The following EIF2B5 variants were observed in gnomAD, a reference collection of about 807,000 sequenced individuals.
EIF2B5 encodes eukaryotic translation initiation factor 2B subunit epsilon.
EIF2B5 carries 38 observed loss-of-function variants against 87.3 expected under a neutral mutation model. The observed-to-expected ratio is 0.44, with a 90% CI of 0.34 to 0.57. The LOEUF (loss-of-function observed/expected upper bound fraction) is 0.57. Ranked by LOEUF, EIF2B5 falls within the 20% of genes least tolerant of loss-of-function variation. The pLI, the probability that EIF2B5 is intolerant of heterozygous loss-of-function variation, is 0.02. For missense variants in EIF2B5, 784 were observed against 909.5 expected (o/e 0.86, Z 1.78); for synonymous variants, 313 against 339.6 (o/e 0.92, Z 0.86).
chr3:184,137,544 G>C (rs1713415562), intron 2 of EIF2B5, 76 bp from the exon 3 acceptor site: 35 of 1,475,696 alleles, frequency 2.4e-5, no homozygotes, highest in Non-Finnish European at 3.2e-5. Flanking sequence ...AGTGCTGAAA[G>C]GGGGTGAAAA....
At chr3:184,140,895 G>C (rs756261968) in intron 7 of EIF2B5, 165 bp downstream of exon 7, 26 of 771,430 alleles carry the variant, frequency 3.4e-5, no homozygotes, top group Non-Finnish European at 4.5e-5. Flanking sequence ...TGAAAACAGC[G>C]ATACCTTAAT....
intron 13 of EIF2B5, chr3:184,143,816 C>T (rs116454202): frequency 1.7e-4 from 113 of 673,402 alleles, no homozygotes; most frequent in Admixed American, 8.3e-4. Context: ...TGGACCTGGA[C>T]ATTCAGACTC....
chr3:184,138,413 G>T lies in EIF2B5; in HGVS notation c.765+167G>T, dbSNP rs370906155. The stretch of plus-strand genomic sequence containing the variant: ...GCTCTGTTGCCCAGGCTGGAGTGCA[G>T]TGGTGTGATCCCAGCTCACTGCAGA... On this transcript the variant is annotated intron_variant, in intron 5 of 15. Transcript: ENST00000648915. 1.2e-4 allele frequency among the ~76,000 whole-genome samples: 18 copies of T among 152,172 alleles called. No individual in the cohort carries two copies. In the East Asian group the frequency reaches 3.5e-3, roughly 29 times the overall value.
chr3:184,136,610 A>G lies in EIF2B5; in HGVS notation c.196-2A>G. On this transcript the variant is annotated splice_acceptor_variant, in intron 1 of 15. Coordinates refer to ENST00000648915, the MANE Select transcript of EIF2B5 (RefSeq NM_003907.3). LOFTEE classifies it high-confidence loss of function. ...AGTTTTTTTTCATCTTGTATCCTTC[A>G]GGTCCTCTTGCCCCTGGCCAATGTG... 1 of 1,614,188 alleles carries G rather than the reference A, an allele frequency of 6.2e-7. No homozygotes were observed. The highest frequency in any genetic ancestry group is 8.5e-7 in the Non-Finnish European group (1 of 1,180,042).
intron 13 of EIF2B5, 36 bp downstream of exon 13, chr3:184,143,601 G>T (rs1713738108): frequency 1.2e-6 from 2 of 1,614,064 alleles, no homozygotes; most frequent in South Asian, 1.1e-5. Flanking sequence ...AAGGGATTGG[G>T]TACAGGCAAA....
intron 14 of EIF2B5, 124 bp from the exon 15 acceptor site, chr3:184,144,473 G>A (rs536430814): frequency 4.8e-5 from 51 of 1,064,318 alleles, no homozygotes; most frequent in Admixed American, 2.9e-4. Context: ...GGAGCAGAGC[G>A]AACAGCTCAC....
At chr3:184,141,490 G>T (rs768413024) in intron 7 of EIF2B5, among the ~76,000 whole-genome samples, 4 of 152,110 alleles carry the variant, frequency 2.6e-5, no homozygotes, top group Non-Finnish European at 5.9e-5. Context: ...GATTACCTGA[G>T]CCCAGAGGTC....
Position 184,135,377 on chromosome 3 carries a change from GAGA to G in EIF2B5, c.-2_1del, listed in dbSNP as rs747525156. The G allele has an allele frequency of 2.5e-6, 4 of 1,574,306 alleles. No individual in the cohort carries two copies. The highest frequency in any genetic ancestry group is 2.7e-5 in the African/African-American group (2 of 74,818). ...TTCCTTGCGGAAGTGGTGACCGTGA[GAGA>G]AGAAGATGGCGGCCCCTGTAGTGGC... is the stretch of plus-strand genomic sequence containing the variant. On this transcript the variant is annotated 5_prime_UTR_variant, in exon 1 of 16. Coordinates refer to ENST00000648915, the MANE Select transcript of EIF2B5 (RefSeq NM_003907.3).
At chr3:184,143,628 C>CT (rs984920144) in intron 13 of EIF2B5, 63 bp downstream of exon 13, 2 of 1,611,874 alleles carry the variant, frequency 1.2e-6, no homozygotes. Context: ...CAGGAGTAGA[C>CT]TGTCTTGTTA....
rs1464336230 is a variant in EIF2B5 at position 184,137,699 on chromosome 3, G to A, written c.400G>A (p.Val134Ile). Residue 134 changes from valine to isoleucine, a missense_variant, in exon 3 of 16, where the codon GTC (valine) becomes ATC (isoleucine). This residue lies in a region of EIF2B5 where 660 missense variants were observed against 789.5 expected (regional missense o/e 0.84). Transcript: ENST00000648915. ...AGAGCTCTATCGATCACTGGGAGATGTCCTCCGTGATGTTGATGCCAAGGC... is the reference window on the plus strand; with the variant it reads ...AGAGCTCTATCGATCACTGGGAGATATCCTCCGTGATGTTGATGCCAAGGC... ...TSELYRSLGD[V>I]LRDVDAKALV... The A allele has an allele frequency of 1.9e-6, 3 of 1,614,188 alleles. No homozygotes were observed. The highest frequency in any genetic ancestry group is 1.7e-5 in the Admixed American group (1 of 60,026).
rs1709668 is a variant in EIF2B5, at chr3:184,144,955, C to T, written c.*12C>T. ...CTGAAGATGACTGAAGTCACACTGC[C>T]TGCTCCTTTGGGTGTGATTGAGTGC... On this transcript the variant is annotated 3_prime_UTR_variant, in exon 16 of 16. Transcript: ENST00000648915. 6.2e-7 allele frequency: 1 copy of T among 1,612,906 alleles called. No individual in the cohort carries two copies. The highest frequency in any genetic ancestry group is 2.2e-5 in the East Asian group (1 of 44,898).
chr3:184,140,754 C>T, intron 7 of EIF2B5, 24 bp downstream of exon 7: 7 of 1,613,226 alleles, frequency 4.3e-6, no homozygotes, highest in Non-Finnish European at 5.9e-6. Context: ...GGGAATCAAG[C>T]CAACTATCCT....
Position 184,138,240 on chromosome 3 carries a change from T to C in EIF2B5, c.759T>C (p.Ser253=), listed in dbSNP as rs1713455489. ...DLLDCHISIC[S]PQVAQLFTDN... ...TGGATTGTCATATCAGCATCTGTTC[T>C]CCTCAGGTGAGCTCTTTAGGGCTGG... Residue 253 remains serine, a synonymous_variant, in exon 5 of 16, where the codon TCT becomes TCC. Transcript: ENST00000648915. The C allele has an allele frequency of 6.2e-7, 1 of 1,613,782 alleles. No homozygotes were observed. Among genetic ancestry groups the C allele is most frequent in the Non-Finnish European group, 8.5e-7 (1 of 1,180,020 alleles).
At chr3:184,143,873 A>G in intron 13 of EIF2B5, 1 of 721,898 alleles carries the variant, frequency 1.4e-6, no homozygotes, top group Non-Finnish European at 2.3e-6. Flanking sequence ...TGGGGTGGGA[A>G]TAGGTATTTT....
In EIF2B5 at chr3:184,142,456, T is replaced by A. The variant is rs1252408244; in HGVS notation, c.1445-46T>A. The A allele has an allele frequency of 6.2e-7, 1 of 1,614,072 alleles. No individual in the cohort carries two copies. The highest frequency in any genetic ancestry group is 1.7e-5 in the Admixed American group (1 of 60,014). On this transcript the variant is annotated intron_variant, in intron 9 of 15. Transcript: ENST00000648915. This position sits in a 1 kb window ranked among gnomAD's most constrained non-coding sequence, Gnocchi z 5.0. ...GAACCAGTGTTTCCTCCTGGAGGGA[T>A]TGGTGCTTCCGCCGGGCCCTCTCTA...
intron 5 of EIF2B5, among the ~76,000 whole-genome samples, chr3:184,139,853 T>TA (rs1315614220): frequency 6.6e-6 from 1 of 151,134 alleles, no homozygotes; most frequent in Non-Finnish European, 1.5e-5. Context: ...CCATCTCTAC[T>TA]AAAAAATAAA....
chr3:184,135,745 C>A, intron 1 of EIF2B5, 165 bp downstream of exon 1: 2 of 963,862 alleles, frequency 2.1e-6, no homozygotes, highest in Non-Finnish European at 3.1e-6. Context: ...TGACTGCTGA[C>A]CAAGTTAGTG....
chr3:184,142,987 G>A lies in EIF2B5; in HGVS notation c.1655-65G>A. ...CAGAAAGGGTTTGGTATCGAGTCAA[G>A]ACTAGATGACTTAGAGCATTCTGAA... On this transcript the variant is annotated intron_variant, in intron 11 of 15. Coordinates refer to ENST00000648915, the MANE Select transcript of EIF2B5 (RefSeq NM_003907.3). This position sits in a 1 kb window ranked among gnomAD's most constrained non-coding sequence, Gnocchi z 5.0. 1 of 1,580,930 alleles carries A rather than the reference G, an allele frequency of 6.3e-7. No homozygotes were observed. Among genetic ancestry groups the A allele is most frequent in the Non-Finnish European group, 8.7e-7 (1 of 1,155,642 alleles).
At chr3:184,144,047 G>C in intron 13 of EIF2B5, 52 bp from the exon 14 acceptor site, 1 of 1,613,782 alleles carries the variant, frequency 6.2e-7, no homozygotes, top group Non-Finnish European at 8.5e-7. Context: ...TGGATGTCCA[G>C]GTATAGGTGA....
Sources: gnomAD v4.1 joint callset for allele counts (sites outside exome capture counted in the v4.1 genomes callset) on GRCh38, gnomAD v4.1.1 for gene constraint, gnomAD v4.1.1 regional missense constraint, Gnocchi (gnomAD v3.1) non-coding constraint, MANE v1.5 for transcripts, NCBI Gene and HGNC (gene_info 2026-07-23, HGNC 2026-07-21) for gene names.